Variants in NALCN observed in about 807,000 individuals in gnomAD.
NALCN encodes sodium leak channel NALCN.
A neutral mutation model predicts 225.3 loss-of-function variants in NALCN; 111 were observed. The ratio of observed to expected loss-of-function variants is 0.49; its 90% CI spans 0.42 to 0.58. NALCN has a LOEUF of 0.58. NALCN is among the 20% of genes least tolerant of loss of function. NALCN has a pLI of 0.00. For missense variants in NALCN, 1,378 were observed against 2,202.4 expected (o/e 0.63, Z 7.49); for synonymous variants, 764 against 769.0 (o/e 0.99, Z 0.11).
At position 101,144,746 on chromosome 13, in the gene NALCN, A is replaced by T; in HGVS notation, c.1976+14T>A. The T allele has an allele frequency of 1.2e-6, 2 of 1,601,662 alleles. No individual in the cohort carries two copies. Among genetic ancestry groups the T allele is most frequent in the South Asian group, 2.3e-5 (2 of 87,730 alleles). The stretch of plus-strand genomic sequence containing the variant: ...ATATATGTGAAATATGCAATTAAAG[A>T]AGTATTTTGGTACCTGATTTTAGGA... On this transcript the variant is annotated intron_variant, in intron 16 of 43. Transcript: ENST00000251127.
intron 17 of NALCN, among the ~76,000 whole-genome samples, chr13:101,127,606 C>T (rs953485202): frequency 6.6e-6 from 1 of 152,150 alleles, no homozygotes; most frequent in South Asian, 2.1e-4. Flanking sequence ...GATCCACCGA[C>T]CTTGGCCTCC....
intron 15 of NALCN, among the ~76,000 whole-genome samples, chr13:101,163,218 T>A (rs533800818): frequency 6.8e-6 from 1 of 147,568 alleles, no homozygotes; most frequent in East Asian, 2.1e-4. Context: ...ATATATATAT[T>A]TTAATTGAAG....
intron 15 of NALCN, among the ~76,000 whole-genome samples, chr13:101,174,590 G>C (rs1445698609): frequency 4.6e-5 from 7 of 152,162 alleles, no homozygotes; most frequent in African/African-American, 1.7e-4. Context: ...GCATATACGT[G>C]TATATATAAA....
intron 17 of NALCN, among the ~76,000 whole-genome samples, chr13:101,134,750 G>A (rs1182979827): frequency 6.6e-6 from 1 of 151,742 alleles, no homozygotes; most frequent in African/African-American, 2.4e-5. Flanking sequence ...ACAATGTTTC[G>A]GCCACTAACA....
At chr13:101,372,124 T>C (rs1360720713) in intron 6 of NALCN, among the ~76,000 whole-genome samples, 1 of 152,146 alleles carries the variant, frequency 6.6e-6, no homozygotes, top group Non-Finnish European at 1.5e-5. Flanking sequence ...TCAAAATTCA[T>C]GACGATAAAA....
At chr13:101,373,409 A>G (rs1435261474) in intron 6 of NALCN, among the ~76,000 whole-genome samples, 1 of 152,230 alleles carries the variant, frequency 6.6e-6, no homozygotes, top group Non-Finnish European at 1.5e-5. Context: ...AATTTGTAAC[A>G]AAAACATTAG....
At chr13:101,121,699 A>T (rs1250247015) in intron 18 of NALCN, among the ~76,000 whole-genome samples, 1 of 152,228 alleles carries the variant, frequency 6.6e-6, no homozygotes, top group Non-Finnish European at 1.5e-5. Flanking sequence ...CAGAATCTGC[A>T]TCCTCTTTGT....
chr13:101,291,698 C>T (rs2043557711), intron 9 of NALCN, among the ~76,000 whole-genome samples: 1 of 152,096 alleles, frequency 6.6e-6, no homozygotes, highest in African/African-American at 2.4e-5. Flanking sequence ...CAAGCTCATG[C>T]CACTACTCTT....
intron 1 of NALCN, among the ~76,000 whole-genome samples, chr13:101,404,741 C>A (rs77924974): frequency 0.04 from 6,105 of 152,238 alleles, 224 homozygotes; most frequent in East Asian, 0.11. Context: ...TAAATCTAGC[C>A]ATATTCTGTG....
chr13:101,293,587 G>A (rs960988948), intron 7 of NALCN, among the ~76,000 whole-genome samples: 1 of 152,162 alleles, frequency 6.6e-6, no homozygotes, highest in African/African-American at 2.4e-5. Flanking sequence ...AAACTAGAAT[G>A]TGCATATGAC....
chr13:101,348,743 A>G (rs1259036500), intron 6 of NALCN, among the ~76,000 whole-genome samples: 3 of 152,126 alleles, frequency 2.0e-5, no homozygotes, highest in Non-Finnish European at 4.4e-5. Flanking sequence ...TTGGCTTCAG[A>G]GGCAGCAGGC....
chr13:101,406,601 C>T (rs2047633844), intron 1 of NALCN, among the ~76,000 whole-genome samples: 1 of 152,126 alleles, frequency 6.6e-6, no homozygotes, highest in Non-Finnish European at 1.5e-5. Flanking sequence ...AAATTGAATC[C>T]ATTTTTATTA....
chr13:101,353,618 A>G (rs1042806369), intron 6 of NALCN, among the ~76,000 whole-genome samples: 2 of 152,222 alleles, frequency 1.3e-5, no homozygotes, highest in African/African-American at 4.8e-5. Context: ...TGAAGCAGGA[A>G]ATAATATTGA....
intron 7 of NALCN, among the ~76,000 whole-genome samples, chr13:101,303,257 A>G (rs2044036265): frequency 6.6e-6 from 1 of 152,188 alleles, no homozygotes. Flanking sequence ...ATAAATGAAC[A>G]TATTTGATTA....
At chr13:101,397,796 T>A (rs1229095828) in intron 2 of NALCN, among the ~76,000 whole-genome samples, 2 of 152,158 alleles carry the variant, frequency 1.3e-5, no homozygotes, top group Admixed American at 1.3e-4. Context: ...ACTTTATATT[T>A]ACATACAAAT....
chr13:101,199,493 T>C lies in NALCN; in HGVS notation c.1627-7439A>G, dbSNP rs1291323287. On this transcript the variant is annotated intron_variant, in intron 13 of 43. Coordinates refer to ENST00000251127, the MANE Select transcript of NALCN (RefSeq NM_052867.4). ...CATAAAAAATGATGAGTTCATGTCCTTTGTAGGGACATGGATGAAGCTGGA... is the reference window on the plus strand; with the variant it reads ...CATAAAAAATGATGAGTTCATGTCCCTTGTAGGGACATGGATGAAGCTGGA... 2.6e-5 allele frequency among the ~76,000 whole-genome samples: 4 copies of C among 151,064 alleles called. No homozygotes were observed. In the East Asian group the frequency reaches 5.9e-4, roughly 22 times the overall value.
chr13:101,164,316 G>A (rs1210337609), intron 15 of NALCN, among the ~76,000 whole-genome samples: 1 of 152,028 alleles, frequency 6.6e-6, no homozygotes, highest in African/African-American at 2.4e-5. Context: ...TGGGGGGACA[G>A]GGTCTTTCTC....
intron 34 of NALCN, among the ~76,000 whole-genome samples, chr13:101,078,900 T>G (rs904572541): frequency 2.0e-5 from 3 of 152,200 alleles, no homozygotes; most frequent in African/African-American, 4.8e-5. Context: ...AGGGACCAGG[T>G]GGAGATAATT....
chr13:101,273,333 A>T (rs760205092), intron 10 of NALCN, among the ~76,000 whole-genome samples: 16 of 152,218 alleles, frequency 1.1e-4, no homozygotes, highest in Non-Finnish European at 1.9e-4. Context: ...ATGCTAAAAT[A>T]GTATTTAAAC....
Sources: gnomAD v4.1 joint callset for allele counts (sites outside exome capture counted in the v4.1 genomes callset) on GRCh38, gnomAD v4.1.1 for gene constraint, MANE v1.5 for transcripts, NCBI Gene and HGNC (gene_info 2026-07-23, HGNC 2026-07-21) for gene names.